Variants in OR51B5 observed in about 807,000 individuals in gnomAD.
OR51B5 encodes the protein olfactory receptor 51B5.
For synonymous variants in OR51B5, 186 were observed against 144.8 expected, an observed-to-expected ratio of 1.28 and a Z score of -2.04; for missense variants, 456 against 374.6, an observed-to-expected ratio of 1.22 and a Z score of -1.79.
chr11:5,445,787 A>C (rs1239284967), intron 1 of OR51B5, among the ~76,000 whole-genome samples: 1 of 151,780 alleles, frequency 6.6e-6, no homozygotes, highest in Admixed American at 6.6e-5. Context: ...ACAAATAATA[A>C]TATAACTGCT....
At chr11:5,418,227 G>A (rs1850271349) in intron 1 of OR51B5, among the ~76,000 whole-genome samples, 1 of 152,010 alleles carries the variant, frequency 6.6e-6, no homozygotes, top group Admixed American at 6.6e-5. Flanking sequence ...GACACAGGAA[G>A]GGGAACATCA....
chr11:5,473,906 G>C (rs1045050087), intron 1 of OR51B5, among the ~76,000 whole-genome samples: 3 of 151,834 alleles, frequency 2.0e-5, no homozygotes, highest in South Asian at 2.1e-4. Flanking sequence ...AATGGGGAGA[G>C]AGTGTGCACG....
chr11:5,467,499 T>C (rs549589327), intron 1 of OR51B5, among the ~76,000 whole-genome samples: 1 of 152,210 alleles, frequency 6.6e-6, no homozygotes, highest in Non-Finnish European at 1.5e-5. Context: ...TCCATTGGAG[T>C]TGAGTTATGC....
chr11:5,413,107 A>G (rs2133752191), intron 1 of OR51B5, among the ~76,000 whole-genome samples: 2 of 152,292 alleles, frequency 1.3e-5, no homozygotes, highest in Middle Eastern at 6.8e-3. Flanking sequence ...GAACGATCAG[A>G]CAGCAGCATT....
intron 1 of OR51B5, among the ~76,000 whole-genome samples, chr11:5,367,656 A>G (rs1056769922): frequency 3.3e-5 from 5 of 152,054 alleles, no homozygotes; most frequent in Admixed American, 2.6e-4. Flanking sequence ...CCAACCTCTT[A>G]TCTCATCCTG....
chr11:5,370,831 T>A (rs1849436752), intron 1 of OR51B5, among the ~76,000 whole-genome samples: 1 of 152,212 alleles, frequency 6.6e-6, no homozygotes, highest in Non-Finnish European at 1.5e-5. Context: ...ACAAAATTTA[T>A]GTAAGCTAGT....
intron 1 of OR51B5, among the ~76,000 whole-genome samples, chr11:5,412,533 C>T (rs758767409): frequency 6.6e-6 from 1 of 152,196 alleles, no homozygotes; most frequent in South Asian, 2.1e-4. Flanking sequence ...GTTCCCTTTC[C>T]TAGTCAAAGA....
intron 1 of OR51B5, among the ~76,000 whole-genome samples, chr11:5,437,235 A>C (rs1850606660): frequency 6.6e-6 from 1 of 152,056 alleles, no homozygotes; most frequent in African/African-American, 2.4e-5. Flanking sequence ...ATCCAGTCTC[A>C]AAAGTGCAAC....
intron 1 of OR51B5, among the ~76,000 whole-genome samples, chr11:5,424,508 C>T (rs1589989706): frequency 6.6e-6 from 1 of 152,154 alleles, no homozygotes; most frequent in African/African-American, 2.4e-5. Flanking sequence ...GTTCCTGAGG[C>T]CGCCCTCCAT....
intron 1 of OR51B5, among the ~76,000 whole-genome samples, chr11:5,393,585 C>A (rs932270737): frequency 6.6e-6 from 1 of 151,900 alleles, no homozygotes; most frequent in Non-Finnish European, 1.5e-5. Context: ...AAGTTATATA[C>A]GATTATGCTG....
chr11:5,409,729 G>A (rs891963749), intron 1 of OR51B5, among the ~76,000 whole-genome samples: 2 of 151,932 alleles, frequency 1.3e-5, no homozygotes, highest in East Asian at 3.9e-4. Context: ...GGAAAAGGAG[G>A]TACAGAAGCA....
chr11:5,391,180 G>A (rs776092547), intron 1 of OR51B5: 9 of 152,242 alleles, frequency 5.9e-5, no homozygotes, highest in Non-Finnish European at 1.2e-4. Context: ...CATTGCTCAG[G>A]AGGAAATAAA....
chr11:5,345,252 G>T (rs1390877751), upstream of OR51B5, among the ~76,000 whole-genome samples: 1 of 152,108 alleles, frequency 6.6e-6, no homozygotes, highest in East Asian at 1.9e-4. Flanking sequence ...CACTTAGACT[G>T]CTATGTGAAG....
At chr11:5,458,048 C>T (rs1282276788) in intron 1 of OR51B5, among the ~76,000 whole-genome samples, 1 of 152,010 alleles carries the variant, frequency 6.6e-6, no homozygotes, top group Non-Finnish European at 1.5e-5. Flanking sequence ...AGGCCTTTGT[C>T]CAGAATGGTA....
At chr11:5,357,481 C>T (rs1343277386) in intron 1 of OR51B5, among the ~76,000 whole-genome samples, 2 of 152,060 alleles carry the variant, frequency 1.3e-5, no homozygotes, top group Non-Finnish European at 2.9e-5. Flanking sequence ...TAAAGCAAGT[C>T]CTTAGAGACC....
intron 1 of OR51B5, among the ~76,000 whole-genome samples, chr11:5,477,840 G>C (rs889359093): frequency 1.3e-5 from 2 of 152,134 alleles, no homozygotes; most frequent in African/African-American, 2.4e-5. Context: ...ATTATATCCC[G>C]CACCTGGCTC....
chr11:5,505,285 C>G (rs1846355017), intron 1 of OR51B5: 1 of 1,294,578 alleles, frequency 7.7e-7, no homozygotes. Context: ...ATCTGGACTT[C>G]CAAGGATGGA....
chr11:5,404,483 G>T (rs7483040), intron 1 of OR51B5, among the ~76,000 whole-genome samples: 6 of 151,984 alleles, frequency 3.9e-5, no homozygotes, highest in African/African-American at 7.2e-5. Flanking sequence ...AAATCCCACC[G>T]ATCAGCACTC....
intron 1 of OR51B5, among the ~76,000 whole-genome samples, chr11:5,372,557 T>C (rs11037068): frequency 6.6e-6 from 1 of 152,226 alleles, no homozygotes; most frequent in African/African-American, 2.4e-5. Context: ...CATTTGCATG[T>C]CTTCAGAGAA....
Sources: allele counts gnomAD v4.1 joint callset (sites outside exome capture counted in the v4.1 genomes callset), GRCh38; gene constraint gnomAD v4.1.1; transcripts MANE v1.5; gene names NCBI Gene and HGNC (gene_info 2026-07-23, HGNC 2026-07-21).